Variants in SOX6 observed in about 807,000 individuals in gnomAD.
The protein encoded by SOX6 is transcription factor SOX-6.
SOX6 carries 11 observed loss-of-function variants against 97.8 expected under a neutral mutation model. The ratio of observed to expected loss-of-function variants is 0.11; its 90% confidence interval spans 0.07 to 0.19. SOX6 has a LOEUF of 0.19. Ranked by LOEUF, SOX6 falls within the 10% of genes least tolerant of loss-of-function variation. The pLI, the probability that SOX6 is intolerant of heterozygous loss-of-function variation, is 1.00. For synonymous variants in SOX6, 360 were observed against 371.4 expected, an observed-to-expected ratio of 0.97 and a Z score of 0.35; for missense variants, 810 against 1,039.5, an observed-to-expected ratio of 0.78 and a Z score of 3.04.
At chr11:16,695,256 A>G (rs894323797) in intron 3 of SOX6, among the ~76,000 whole-genome samples, 1 of 152,244 alleles carries the variant, frequency 6.6e-6, no homozygotes, top group African/African-American at 2.4e-5. Context: ...AGATTGCACA[A>G]AGGTGAATTC....
chr11:16,733,104 T>C (rs1307054225), intron 2 of SOX6, among the ~76,000 whole-genome samples: 2 of 152,154 alleles, frequency 1.3e-5, no homozygotes, highest in East Asian at 1.9e-4. Context: ...TGTGGAGAAA[T>C]AGGAACGCTT....
At chr11:16,358,743 A>G (rs1481049812), upstream of SOX6, among the ~76,000 whole-genome samples, 2 of 152,172 alleles carry the variant, frequency 1.3e-5, no homozygotes, top group Non-Finnish European at 2.9e-5. Context: ...GAAAGAAAAG[A>G]AAATCCCTTT....
intron 3 of SOX6, among the ~76,000 whole-genome samples, chr11:16,235,415 T>C (rs1403900246): frequency 6.6e-6 from 1 of 152,072 alleles, no homozygotes; most frequent in Non-Finnish European, 1.5e-5. Context: ...GTCTTGATAA[T>C]TACCAAATTT....
At chr11:15,982,542 G>A (rs545884348) in intron 15 of SOX6, among the ~76,000 whole-genome samples, 8 of 151,988 alleles carry the variant, frequency 5.3e-5, no homozygotes, top group Admixed American at 2.6e-4. Context: ...TTATAAAGTG[G>A]TATAGTATTT....
intron 6 of SOX6, among the ~76,000 whole-genome samples, chr11:16,179,715 T>C (rs564438376): frequency 4.1e-4 from 62 of 152,040 alleles, no homozygotes; most frequent in Admixed American, 4.1e-3. Context: ...TGTGTATGAA[T>C]TGACTAAATC....
At chr11:16,479,399 G>A (rs1004874799), upstream of SOX6, among the ~76,000 whole-genome samples, 6 of 152,036 alleles carry the variant, frequency 3.9e-5, no homozygotes, top group South Asian at 2.1e-4. Context: ...GTGTGGTGGT[G>A]CACACCTGTA....
chr11:16,122,956 T>A (rs773211875), intron 6 of SOX6, among the ~76,000 whole-genome samples: 8 of 152,130 alleles, frequency 5.3e-5, no homozygotes, highest in Non-Finnish European at 1.2e-4. Flanking sequence ...CTTATAGTGA[T>A]CTTTTCTTTT....
intron 4 of SOX6, 141 bp downstream of exon 4, chr11:16,234,441 C>A: frequency 1.8e-6 from 1 of 547,456 alleles, no homozygotes; most frequent in Non-Finnish European, 3.2e-6. Context: ...GCTCAGAAAC[C>A]TATAATATTC....
At chr11:16,238,829 G>A (rs1853101452) in intron 3 of SOX6, among the ~76,000 whole-genome samples, 1 of 152,070 alleles carries the variant, frequency 6.6e-6, no homozygotes, top group Non-Finnish European at 1.5e-5. Context: ...ATATTTTAGT[G>A]AGGAGAACAA....
chr11:16,457,579 C>G lies in SOX6; in HGVS notation c.-5+18736G>C, dbSNP rs16933151. Among the ~76,000 whole-genome samples, 493 of 152,170 alleles carry G rather than the reference C, an allele frequency of 3.2e-3. 8 individuals are homozygous for G. The East Asian group carries it at 0.038, about 12-fold the overall frequency. ...GATGAAGGAATTGTGACTCAGGCCA[C>G]GTAATTTGATCAGAGTTGCATCAAG... On this transcript the variant is annotated intron_variant, in intron 1 of 15. Coordinates refer to the SOX6 transcript ENST00000396356.
At chr11:16,509,362 T>C (rs1024245862) in intron 4 of SOX6, among the ~76,000 whole-genome samples, 3 of 152,074 alleles carry the variant, frequency 2.0e-5, no homozygotes, top group African/African-American at 4.8e-5. Flanking sequence ...GTTAATGCTA[T>C]TTATGCTACA....
intron 3 of SOX6, among the ~76,000 whole-genome samples, chr11:16,701,583 A>C (rs901801036): frequency 6.6e-6 from 1 of 152,072 alleles, no homozygotes; most frequent in East Asian, 1.9e-4. Context: ...TATTAAAAGG[A>C]TATGCAACTC....
Position 16,012,408 on chromosome 11 carries a change from T to C in SOX6, c.1732+2534A>G, listed in dbSNP as rs142672815. On this transcript the variant is annotated intron_variant, in intron 13 of 15. Coordinates refer to ENST00000683767, the MANE Select transcript of SOX6 (RefSeq NM_001367873.1). ...TATTAGAACAGGTAACTTGACTCCA[T>C]TCGTGAACCCCCAAAAGCACATGAG... 2.7e-3 allele frequency among the ~76,000 whole-genome samples: 415 copies of C among 152,034 alleles called. 2 individuals carry two copies. The highest frequency in any genetic ancestry group is 9.5e-3 in the African/African-American group (396 of 41,490).
intron 2 of SOX6, among the ~76,000 whole-genome samples, chr11:16,321,147 T>C (rs549212437): frequency 6.6e-6 from 1 of 151,898 alleles, no homozygotes; most frequent in African/African-American, 2.4e-5. Context: ...TTAAACCTCT[T>C]AATAAAGTCC....
intron 4 of SOX6, among the ~76,000 whole-genome samples, chr11:16,526,018 AC>A (rs1173907003): frequency 6.6e-6 from 1 of 152,118 alleles, no homozygotes; most frequent in African/African-American, 2.4e-5. Context: ...AAATAGGAAC[AC>A]TTTTACACTG....
intron 3 of SOX6, among the ~76,000 whole-genome samples, chr11:16,665,643 T>C (rs1177766792): frequency 6.6e-6 from 1 of 152,218 alleles, no homozygotes; most frequent in Non-Finnish European, 1.5e-5. Context: ...GACACAAGCC[T>C]GGCTGGCTTC....
At chr11:16,209,237 T>C (rs1043846249) in intron 4 of SOX6, among the ~76,000 whole-genome samples, 1 of 152,194 alleles carries the variant, frequency 6.6e-6, no homozygotes, top group African/African-American at 2.4e-5. Flanking sequence ...TAATTTCTAA[T>C]ACTAGAATAT....
rs1326661660 is a variant in SOX6, at chr11:16,542,203, C to T, written n.610-65815G>A. 2.0e-5 allele frequency among the ~76,000 whole-genome samples: 3 copies of T among 152,170 alleles called. No homozygotes were observed. The East Asian group carries it at 5.8e-4, about 29-fold the overall frequency. The stretch of plus-strand genomic sequence containing the variant: ...GCTGGAAACCATCATTCTCAGCAAA[C>T]TATCACAAGGACAGAAAACCAAACA... On this transcript the variant is annotated intron_variant and non_coding_transcript_variant, in intron 4 of 5. Coordinates refer to the SOX6 transcript ENST00000524520.
intron 9 of SOX6, among the ~76,000 whole-genome samples, chr11:16,076,914 C>T (rs966538907): frequency 7.3e-5 from 11 of 151,274 alleles, no homozygotes; most frequent in Non-Finnish European, 1.2e-4. Flanking sequence ...CCACCGCGCC[C>T]GGCTAATTTT....
Sources: allele counts gnomAD v4.1 joint callset (sites outside exome capture counted in the v4.1 genomes callset), GRCh38; gene constraint gnomAD v4.1.1; transcripts MANE v1.5; gene names NCBI Gene and HGNC (gene_info 2026-07-23, HGNC 2026-07-21).